SYNRG: variants seen among roughly 807,000 people sequenced by gnomAD.
SYNRG encodes the protein synergin gamma, also known as AP1 gamma subunit binding protein 1.
In SYNRG, 37 loss-of-function variants were observed where a neutral mutation model predicts 130.9. The observed-to-expected ratio is 0.28, with a 90% CI of 0.22 to 0.37. The LOEUF is 0.37. Among genes scored for constraint, SYNRG ranks in the 10% least tolerant of loss-of-function variants. The pLI is 1.00. For missense variants in SYNRG, 1,338 were observed against 1,588.9 expected, an observed-to-expected ratio of 0.84 and a Z score of 2.68; for synonymous variants, 539 against 568.1, an observed-to-expected ratio of 0.95 and a Z score of 0.73.
intron 3 of SYNRG, among the ~76,000 whole-genome samples, chr17:37,590,066 G>A (rs2062025635): frequency 6.6e-6 from 1 of 151,718 alleles, no homozygotes; most frequent in African/African-American, 2.4e-5. Context: ...AGCTTCTCTG[G>A]AGGCTAAGGC....
intron 10 of SYNRG, among the ~76,000 whole-genome samples, chr17:37,569,261 T>C (rs1196031231): frequency 6.6e-6 from 1 of 152,154 alleles, no homozygotes; most frequent in Non-Finnish European, 1.5e-5. Context: ...AATACAAAAA[T>C]TAGCTGCGCA....
At chr17:37,580,510 T>TGTGTGTGAGAGA (rs1384344164) in intron 6 of SYNRG, among the ~76,000 whole-genome samples, 120 of 127,704 alleles carry the variant, frequency 9.4e-4, no homozygotes, top group African/African-American at 4.0e-3. Context: ...TGTGTGTGTG[T>TGTGTGTGAGAGA]GAGAGAGAGA....
chr17:37,536,217 G>A, intron 18 of SYNRG, 90 bp from the exon 19 acceptor site: 1 of 1,409,278 alleles, frequency 7.1e-7, no homozygotes, highest in East Asian at 2.5e-5. Context: ...TGATATCTGT[G>A]AGAAACAATG....
Position 37,588,786 on chromosome 17 carries a change from A to G in SYNRG, c.241-2237T>C, listed in dbSNP as rs116092495. On this transcript the variant is annotated intron_variant, in intron 3 of 21. Transcript: ENST00000612223. ...TTTCACCCAAAGTATATAAAATACAAAAGAAACTACCCAAATCATAGAGAT... is the reference window on the plus strand; with the variant it reads ...TTTCACCCAAAGTATATAAAATACAGAAGAAACTACCCAAATCATAGAGAT... 7.1e-4 allele frequency among the ~76,000 whole-genome samples: 108 copies of G among 152,228 alleles called. 1 individual carries two copies. The highest frequency in any genetic ancestry group is 2.5e-3 in the African/African-American group (105 of 41,548).
chr17:37,521,850 G>A lies in SYNRG; in HGVS notation c.3667-1202C>T, dbSNP rs140567239. ...CTGGATGGGAGAGGTTGGGGGACCC[G>A]GGCAGCTGAGAGGATTCACCATAAT... On this transcript the variant is annotated intron_variant, in intron 19 of 21. Coordinates refer to ENST00000612223, the MANE Select transcript of SYNRG (RefSeq NM_007247.6). 5.7e-4 allele frequency among the ~76,000 whole-genome samples: 87 copies of A among 152,172 alleles called. 1 individual carries two copies. The East Asian group carries it at 0.014, about 24-fold the overall frequency.
At chr17:37,565,292 A>T (rs561330381) in intron 11 of SYNRG, among the ~76,000 whole-genome samples, 3 of 152,060 alleles carry the variant, frequency 2.0e-5, no homozygotes, top group African/African-American at 7.2e-5. Flanking sequence ...TCATTCAAGG[A>T]AAGTATGGAA....
intron 13 of SYNRG, among the ~76,000 whole-genome samples, chr17:37,556,689 A>G (rs1184207045): frequency 6.6e-6 from 1 of 152,180 alleles, no homozygotes; most frequent in Non-Finnish European, 1.5e-5. Flanking sequence ...TGTAATTTAT[A>G]TTTGTAAGAC....
Position 37,532,726 on chromosome 17 carries a change from A to G in SYNRG, c.3666+3253T>C, listed in dbSNP as rs987228664. 2.6e-5 allele frequency among the ~76,000 whole-genome samples: 4 copies of G among 151,094 alleles called. 1 individual carries two copies. Among genetic ancestry groups the G allele is most frequent in the Admixed American group, 2.0e-4 (3 of 15,148 alleles). The stretch of plus-strand genomic sequence containing the variant: ...AGGTAAAAAATGAAACCTTGTTTTA[A>G]TTTGAATTTATGTTTACTGATTAAT... On this transcript the variant is annotated intron_variant, in intron 19 of 21. Transcript: ENST00000612223.
chr17:37,542,588 C>T (rs748530052), intron 14 of SYNRG, 23 bp from the exon 15 acceptor site: 3 of 1,579,142 alleles, frequency 1.9e-6, no homozygotes, highest in Admixed American at 1.8e-5. Flanking sequence ...TAAGACCCCA[C>T]AATTAGAGGC....
In SYNRG at chr17:37,542,144, A is replaced by G; in HGVS notation, c.3030T>C (p.Ser1010=). Residue 1010 remains serine, a synonymous_variant, in exon 15 of 22, where the codon AGT becomes AGC. Transcript: ENST00000612223. Reference sequence around the variant, plus strand: ...CGTTCGGGGTTTCTTGAGAGGCACCACTGGACGCTGGGCTGGGACACGTGG... The same window carrying G: ...CGTTCGGGGTTTCTTGAGAGGCACCGCTGGACGCTGGGCTGGGACACGTGG... ...QEATCPSPAS[S]GASQETPNEC... is the part of the protein sequence containing the mutation. 6.2e-7 allele frequency: 1 copy of G among 1,614,216 alleles called. No individual in the cohort carries two copies.
At position 37,553,121 on chromosome 17, in the gene SYNRG, C is replaced by T. The variant is rs761728083; in HGVS notation, c.2602G>A (p.Ala868Thr). The change falls in exon 14 of 22, where the codon GCT becomes ACT. Residue 868 changes from alanine to threonine, a missense_variant. By Grantham distance (58) the Ala-to-Thr change is moderately conservative. Around this residue, in one of 3 missense-constraint regions of SYNRG, gnomAD observed 1,146 missense variants for 1,342.3 expected, o/e 0.85. Transcript: ENST00000612223. ...LPTVSGQHPPAADIEDLKYAA... is the reference protein window; with the variant it reads ...LPTVSGQHPPTADIEDLKYAA... ...AATCTCACCAATTCCTCACCTGCAG[C>T]AGGAGGATGCTGGCCACTAACTGTT... The T allele has an allele frequency of 6.2e-7, 1 of 1,610,318 alleles. No individual in the cohort carries two copies. Among genetic ancestry groups the T allele is most frequent in the Non-Finnish European group, 8.5e-7 (1 of 1,179,068 alleles).
intron 10 of SYNRG, among the ~76,000 whole-genome samples, chr17:37,570,362 A>C (rs1292326614): frequency 2.7e-5 from 4 of 145,518 alleles, no homozygotes; most frequent in Non-Finnish European, 6.1e-5. Context: ...GCCTTTCAAC[A>C]AGGCTGTACC....
intron 13 of SYNRG, among the ~76,000 whole-genome samples, chr17:37,554,644 T>C (rs1220628105): frequency 6.6e-6 from 1 of 152,190 alleles, no homozygotes; most frequent in Non-Finnish European, 1.5e-5. Context: ...GGAACTTTGA[T>C]GAAAATTTTT....
At chr17:37,578,788 G>C (rs946295360) in intron 6 of SYNRG, among the ~76,000 whole-genome samples, 1 of 152,204 alleles carries the variant, frequency 6.6e-6, no homozygotes, top group Non-Finnish European at 1.5e-5. Flanking sequence ...AGCTGAAAGA[G>C]TACTTTCTAA....
intron 2 of SYNRG, among the ~76,000 whole-genome samples, chr17:37,597,285 A>G (rs2062859085): frequency 6.6e-6 from 1 of 152,214 alleles, no homozygotes; most frequent in Non-Finnish European, 1.5e-5. Flanking sequence ...CTTCACTGCA[A>G]TCTCATAAGA....
chr17:37,541,818 T>A (rs910401882), intron 15 of SYNRG, 154 bp downstream of exon 15: 2 of 752,488 alleles, frequency 2.7e-6, no homozygotes, highest in Admixed American at 2.9e-5. Flanking sequence ...CTCAGGGAAA[T>A]CTTTATTATA....
intron 19 of SYNRG, among the ~76,000 whole-genome samples, chr17:37,525,599 G>A (rs1449316378): frequency 1.3e-5 from 2 of 151,976 alleles, no homozygotes; most frequent in African/African-American, 2.4e-5. Context: ...TTGGGAGGCC[G>A]AGGTGGGTGG....
intron 1 of SYNRG, among the ~76,000 whole-genome samples, chr17:37,603,064 AG>A: frequency 6.6e-6 from 1 of 152,224 alleles, no homozygotes; most frequent in East Asian, 1.9e-4. Context: ...AAGTAGCAAA[AG>A]GGATCTGCTT....
rs768824211 is a variant in SYNRG, at chr17:37,561,273, C to G, written c.1601-16G>C. 2.2e-5 allele frequency: 35 copies of G among 1,611,324 alleles called. No homozygotes were observed. The East Asian group carries it at 7.6e-4, about 35-fold the overall frequency. ...TCACCAGGATCTATGATAGAAAGGA[C>G]AGAAGCTCAGTTAAGGTTAGGAATC... On this transcript the variant is annotated splice_polypyrimidine_tract_variant and intron_variant, in intron 12 of 21. Transcript: ENST00000612223.
Sources: allele counts gnomAD v4.1 joint callset (sites outside exome capture counted in the v4.1 genomes callset), GRCh38; gene constraint gnomAD v4.1.1; regional missense constraint gnomAD v4.1.1; transcripts MANE v1.5; gene names NCBI Gene and HGNC (gene_info 2026-07-23, HGNC 2026-07-21).